The following SPATS2 variants were observed in gnomAD, a reference collection of about 807,000 sequenced individuals.
SPATS2 encodes the protein spermatogenesis-associated serine-rich protein 2.
Under a neutral mutation model 63.7 loss-of-function variants are expected in SPATS2, and 38 were observed. The observed-to-expected ratio is 0.60, with a 90% confidence interval of 0.46 to 0.78. SPATS2 has a LOEUF of 0.78. SPATS2 is among the 30% of genes least tolerant of loss of function. The pLI, the probability that SPATS2 is intolerant of heterozygous loss-of-function variation, is 0.00. For missense variants in SPATS2, 588 were observed against 666.2 expected (o/e 0.88, Z 1.29); for synonymous variants, 207 against 232.9 (o/e 0.89, Z 1.01).
intron 2 of SPATS2, among the ~76,000 whole-genome samples, chr12:49,428,461 G>A (rs1414145079): frequency 3.9e-5 from 6 of 152,116 alleles, no homozygotes; most frequent in Non-Finnish European, 7.3e-5. Context: ...GCCTCTGGCT[G>A]CTACCAGTCT....
intron 3 of SPATS2, among the ~76,000 whole-genome samples, chr12:49,482,706 C>G (rs533103641): frequency 2.0e-5 from 3 of 152,274 alleles, no homozygotes; most frequent in African/African-American, 7.2e-5. Context: ...TATTTTTAAT[C>G]ATTATCCTAA....
intron 2 of SPATS2, among the ~76,000 whole-genome samples, chr12:49,459,941 A>G (rs1945791781): frequency 1.3e-5 from 1 of 76,708 alleles, no homozygotes; most frequent in Admixed American, 1.1e-4. Context: ...GTCTCTACTG[A>G]AAAAAAAAAA....
intron 3 of SPATS2, among the ~76,000 whole-genome samples, chr12:49,476,673 C>A (rs865913599): frequency 5.1e-4 from 78 of 152,306 alleles, no homozygotes; most frequent in African/African-American, 1.9e-3. Flanking sequence ...GCGAGCCACA[C>A]CCCCACTGCA....
In SPATS2 at chr12:49,388,051, G is replaced by A. The variant is rs1944351939; in HGVS notation, c.-244+16761G>A. On this transcript the variant is annotated intron_variant, in intron 2 of 13. Coordinates refer to ENST00000552918, the MANE Select transcript of SPATS2 (RefSeq NM_023071.4). ...CCTGCCTCAGCCTGTTGGGTAGCTG[G>A]AACTACAGGCGTGCACCACTATGCC... Among the ~76,000 whole-genome samples, 4 of 152,144 alleles carry A rather than the reference G, an allele frequency of 2.6e-5. No homozygotes were observed. In the South Asian group the frequency reaches 6.2e-4, roughly 24 times the overall value.
intron 3 of SPATS2, among the ~76,000 whole-genome samples, chr12:49,482,532 C>A (rs747316836): frequency 6.6e-6 from 1 of 152,128 alleles, no homozygotes; most frequent in Non-Finnish European, 1.5e-5. Flanking sequence ...GCTTAAAAGC[C>A]AGCAAAAACA....
At chr12:49,477,143 G>T (rs991565832) in intron 3 of SPATS2, among the ~76,000 whole-genome samples, 1 of 151,564 alleles carries the variant, frequency 6.6e-6, no homozygotes, top group Non-Finnish European at 1.5e-5. Context: ...ACAATTAAAA[G>T]CTTATTCTAT....
chr12:49,375,141 AGTGTGTGTGTGTGTGTGTGTGTGTGTGT>A lies in SPATS2; in HGVS notation c.-244+3879_-244+3906del, dbSNP rs10601423. On this transcript the variant is annotated intron_variant, in intron 2 of 13. Transcript: ENST00000552918. ...CAAGATGTATGATTGCAAGTTGTGG[AGTGTGTGTGTGTGTGTGTGTGTGTGTGT>A]GTGTGTGTGTGTGTGTGTGTGTGTG... Among the ~76,000 whole-genome samples the A allele has an allele frequency of 6.5e-5, 8 of 123,380 alleles. No individual in the cohort carries two copies. In the South Asian group the frequency reaches 1.5e-3, roughly 23 times the overall value. The allele number at this position is 123,380 out of a possible 152,430, so 80.9% of individuals were successfully genotyped here.
At chr12:49,367,133 C>G (rs1040951125), upstream of SPATS2, 1 of 156,884 alleles carries the variant, frequency 6.4e-6, no homozygotes, top group Non-Finnish European at 1.4e-5. Flanking sequence ...CTCGCCGCCC[C>G]GCGCCTCTCC....
At chr12:49,367,813 C>T (rs192096017) in intron 1 of SPATS2, among the ~76,000 whole-genome samples, 16 of 141,818 alleles carry the variant, frequency 1.1e-4, no homozygotes, top group African/African-American at 4.3e-4. Flanking sequence ...AGTTTCCAGA[C>T]GGATAGGCCG....
chr12:49,507,068 T>G (rs1946666038), intron 9 of SPATS2, among the ~76,000 whole-genome samples: 1 of 152,310 alleles, frequency 6.6e-6, no homozygotes, highest in South Asian at 2.1e-4. Context: ...TTCAATAAAG[T>G]AAAACTATAA....
At chr12:49,467,789 T>C (rs936851293) in intron 3 of SPATS2, among the ~76,000 whole-genome samples, 1 of 151,888 alleles carries the variant, frequency 6.6e-6, no homozygotes, top group Admixed American at 6.6e-5. Context: ...CTGCTAGCTC[T>C]GCCTCCTGGG....
At chr12:49,410,189 C>A (rs1944772936) in intron 2 of SPATS2, among the ~76,000 whole-genome samples, 1 of 152,032 alleles carries the variant, frequency 6.6e-6, no homozygotes, top group Admixed American at 6.6e-5. Context: ...AATTCTCCTG[C>A]CTCAGCCTCC....
At chr12:49,506,610 G>T (rs1474248312) in intron 9 of SPATS2, among the ~76,000 whole-genome samples, 1 of 152,156 alleles carries the variant, frequency 6.6e-6, no homozygotes, top group Non-Finnish European at 1.5e-5. Context: ...CATATCAGAG[G>T]CCAAGGCAGG....
rs995151679 is a variant in SPATS2, at chr12:49,391,563, A to T, written c.-244+20273A>T. The stretch of plus-strand genomic sequence containing the variant: ...GTCAAGTATGTAGTATGTATATTTT[A>T]AAAAAGCCACCAGTTATGGAAATGT... On this transcript the variant is annotated intron_variant, in intron 2 of 13. Transcript: ENST00000552918. Among the ~76,000 whole-genome samples, 13 of 143,688 alleles carry T rather than the reference A, an allele frequency of 9.0e-5. No homozygotes were observed. The South Asian group carries it at 1.6e-3, about 18-fold the overall frequency. The allele number at this position is 143,688 out of a possible 152,430, so 94.3% of individuals were successfully genotyped here. A position where few individuals can be genotyped will look rare whatever the true frequency, so the allele number is the denominator to read the frequency against.
At chr12:49,422,016 C>G (rs1944992942) in intron 2 of SPATS2, among the ~76,000 whole-genome samples, 1 of 152,082 alleles carries the variant, frequency 6.6e-6, no homozygotes, top group Non-Finnish European at 1.5e-5. Flanking sequence ...ATGTTAAATG[C>G]TTTTTACCTG....
intron 2 of SPATS2, among the ~76,000 whole-genome samples, chr12:49,429,758 G>T (rs912105943): frequency 7.1e-6 from 1 of 141,052 alleles, no homozygotes; most frequent in African/African-American, 2.7e-5. Flanking sequence ...GCCTGGCCTA[G>T]AATTTAGGTC....
At chr12:49,449,585 A>G in intron 2 of SPATS2, among the ~76,000 whole-genome samples, 1 of 152,198 alleles carries the variant, frequency 6.6e-6, no homozygotes, top group East Asian at 1.9e-4. Context: ...AGACTGGGTA[A>G]TTTATAAAGG....
intron 3 of SPATS2, among the ~76,000 whole-genome samples, chr12:49,465,426 T>TGTG (rs1449738267): frequency 2.0e-5 from 3 of 152,210 alleles, no homozygotes; most frequent in Non-Finnish European, 4.4e-5. Context: ...ATTGTGGTTT[T>TGTG]GATTTGTACT....
chr12:49,525,040 G>A, intron 13 of SPATS2, 144 bp downstream of exon 13: 1 of 825,498 alleles, frequency 1.2e-6, no homozygotes, highest in Non-Finnish European at 1.9e-6. Context: ...GTTAGTTCCT[G>A]AGAAAGCATT....
Sources: allele counts gnomAD v4.1 joint callset (sites outside exome capture counted in the v4.1 genomes callset), GRCh38; gene constraint gnomAD v4.1.1; transcripts MANE v1.5; gene names NCBI Gene and HGNC (gene_info 2026-07-23, HGNC 2026-07-21).